The following ARHGEF26 variants were observed in gnomAD, a reference collection of about 807,000 sequenced individuals.
The protein encoded by ARHGEF26 is Rho guanine nucleotide exchange factor (GEF) 26.
ARHGEF26 carries 59 observed loss-of-function variants against 89.4 expected under a neutral mutation model. The observed-to-expected ratio is 0.66, with a 90% CI of 0.54 to 0.82. The LOEUF (loss-of-function observed/expected upper bound fraction) is 0.82, where lower values mean the gene tolerates loss of function less well. Among genes scored for constraint, ARHGEF26 ranks in the 40% least tolerant of loss-of-function variants. ARHGEF26 has a pLI of 0.00. For synonymous variants in ARHGEF26, 500 were observed against 428.4 expected, an observed-to-expected ratio of 1.17 and a Z score of -2.06; for missense variants, 1,234 against 1,085.6, an observed-to-expected ratio of 1.14 and a Z score of -1.92.
At chr3:154,146,104 A>G (rs898797375) in intron 4 of ARHGEF26, among the ~76,000 whole-genome samples, 5 of 152,214 alleles carry the variant, frequency 3.3e-5, no homozygotes, top group African/African-American at 9.6e-5. Context: ...AACAACAGAA[A>G]TTTATTTCTC....
intron 8 of ARHGEF26, among the ~76,000 whole-genome samples, chr3:154,193,465 G>T (rs1205938217): frequency 6.6e-6 from 1 of 152,102 alleles, no homozygotes; most frequent in Non-Finnish European, 1.5e-5. Context: ...TGGTGCTTCT[G>T]TACATTTAAG....
intron 10 of ARHGEF26, among the ~76,000 whole-genome samples, chr3:154,224,242 T>G (rs948437488): frequency 6.6e-6 from 1 of 152,160 alleles, no homozygotes; most frequent in Admixed American, 6.5e-5. Context: ...CTTCTAACAA[T>G]AAATCTGAAA....
At chr3:154,201,004 A>ATT (rs55756439) in intron 9 of ARHGEF26, among the ~76,000 whole-genome samples, 20 of 151,362 alleles carry the variant, frequency 1.3e-4, no homozygotes, top group African/African-American at 1.9e-4. Context: ...CAAATATAAG[A>ATT]TTTTTTTTTA....
chr3:154,239,996 G>A (rs1397002701), intron 11 of ARHGEF26, among the ~76,000 whole-genome samples: 1 of 152,104 alleles, frequency 6.6e-6, no homozygotes, highest in Non-Finnish European at 1.5e-5. Context: ...CAGAGCATGA[G>A]TAGAAGGCTC....
chr3:154,169,846 C>A (rs745644821), intron 6 of ARHGEF26, among the ~76,000 whole-genome samples: 12 of 152,134 alleles, frequency 7.9e-5, no homozygotes, highest in Non-Finnish European at 1.3e-4. Flanking sequence ...ATTATTGTGA[C>A]CAGAGGCTTG....
intron 4 of ARHGEF26, among the ~76,000 whole-genome samples, chr3:154,142,184 T>C (rs1719424398): frequency 6.6e-6 from 1 of 152,086 alleles, no homozygotes; most frequent in Admixed American, 6.6e-5. Flanking sequence ...AAAATAAAAG[T>C]AATGAAGGTG....
intron 9 of ARHGEF26, among the ~76,000 whole-genome samples, chr3:154,202,854 C>T (rs1714738494): frequency 6.6e-6 from 1 of 151,692 alleles, no homozygotes; most frequent in Non-Finnish European, 1.5e-5. Context: ...ATTTTGTATC[C>T]TGAGACTTCG....
intron 4 of ARHGEF26, among the ~76,000 whole-genome samples, chr3:154,146,256 C>T (rs1309977208): frequency 1.3e-5 from 2 of 152,132 alleles, no homozygotes; most frequent in East Asian, 1.9e-4. Context: ...TTTTAAAGGG[C>T]GTTAATCCCA....
chr3:154,149,571 A>G, intron 5 of ARHGEF26, 126 bp downstream of exon 5: 1 of 803,412 alleles, frequency 1.2e-6, no homozygotes, highest in Non-Finnish European at 1.8e-6. Flanking sequence ...TTGTTTAACA[A>G]AAGCAGTAAG....
intron 4 of ARHGEF26, 55 bp downstream of exon 4, chr3:154,129,774 T>G: frequency 6.5e-7 from 1 of 1,546,298 alleles, no homozygotes; most frequent in South Asian, 1.2e-5. Context: ...GTTTTGGAAA[T>G]TATGTGTGGA....
intron 7 of ARHGEF26, among the ~76,000 whole-genome samples, chr3:154,189,774 G>A (rs1713833296): frequency 6.6e-6 from 1 of 151,854 alleles, no homozygotes; most frequent in Non-Finnish European, 1.5e-5. Flanking sequence ...ACCTTTGGAA[G>A]GTGAGGGAGG....
chr3:154,193,851 TGACTG>T (rs1714108993), intron 8 of ARHGEF26, among the ~76,000 whole-genome samples: 1 of 151,862 alleles, frequency 6.6e-6, no homozygotes, highest in African/African-American at 2.4e-5. Flanking sequence ...GGTTTTTTTT[TGACTG>T]TTTTTTCTTT....
chr3:154,245,017 G>C (rs1190059583), intron 12 of ARHGEF26, among the ~76,000 whole-genome samples: 8 of 152,052 alleles, frequency 5.3e-5, no homozygotes, highest in Non-Finnish European at 1.0e-4. Context: ...TAAGTCCAAA[G>C]ACTTTATTAT....
At chr3:154,158,007 T>C (rs951656660) in intron 6 of ARHGEF26, among the ~76,000 whole-genome samples, 2 of 152,110 alleles carry the variant, frequency 1.3e-5, no homozygotes, top group South Asian at 2.1e-4. Flanking sequence ...ATTTACCCCC[T>C]AAGGATACTT....
At chr3:154,204,033 C>A (rs1328518025) in intron 9 of ARHGEF26, among the ~76,000 whole-genome samples, 1 of 151,850 alleles carries the variant, frequency 6.6e-6, no homozygotes, top group Non-Finnish European at 1.5e-5. Context: ...GGAAGTATTC[C>A]CTCCTCCTCT....
In ARHGEF26 at chr3:154,256,382, C is replaced by T; in HGVS notation, c.*909C>T. ...GGATTGTAAGAGTATGCCACCACGC[C>T]CAGCTACTTTTTGTATTTTTAGTAG... On this transcript the variant is annotated 3_prime_UTR_variant, in exon 15 of 15. Coordinates refer to ENST00000465093, the MANE Select transcript of ARHGEF26 (RefSeq NM_015595.4). The T allele has an allele frequency of 1.3e-6, 1 of 762,146 alleles. No homozygotes were observed. The highest frequency in any genetic ancestry group is 1.6e-6 in the Non-Finnish European group (1 of 627,964). The allele number at this position is 762,146 out of a possible 1,614,324, so 47.2% of individuals were successfully genotyped here.
At chr3:154,201,418 G>A (rs984620131) in intron 9 of ARHGEF26, among the ~76,000 whole-genome samples, 1 of 151,954 alleles carries the variant, frequency 6.6e-6, no homozygotes, top group African/African-American at 2.4e-5. Flanking sequence ...GGACATTTGG[G>A]TTGGTTCCAA....
intron 11 of ARHGEF26, among the ~76,000 whole-genome samples, chr3:154,230,525 A>C (rs527479346): frequency 2.3e-4 from 35 of 152,342 alleles, no homozygotes; most frequent in African/African-American, 8.2e-4. Context: ...CATCTTTTCC[A>C]AAGTAAGCTT....
At chr3:154,129,065 A>G (rs537053702) in intron 3 of ARHGEF26, among the ~76,000 whole-genome samples, 4 of 152,166 alleles carry the variant, frequency 2.6e-5, no homozygotes, top group Non-Finnish European at 5.9e-5. Flanking sequence ...GAATAAATGC[A>G]TGAGTGAATT....
Sources: allele counts gnomAD v4.1 joint callset (sites outside exome capture counted in the v4.1 genomes callset), GRCh38; gene constraint gnomAD v4.1.1; transcripts MANE v1.5; gene names NCBI Gene and HGNC (gene_info 2026-07-23, HGNC 2026-07-21).